FLRT2: variants seen among roughly 807,000 people sequenced by gnomAD.
FLRT2 encodes the protein fibronectin leucine rich transmembrane protein 2.
Under a neutral mutation model 40.0 loss-of-function variants are expected in FLRT2, and 15 were observed. The observed-to-expected ratio is 0.38, with a 90% CI of 0.25 to 0.58. The LOEUF (loss-of-function observed/expected upper bound fraction) is 0.58. Ranked by LOEUF, FLRT2 falls within the 20% of genes least tolerant of loss-of-function variation. The pLI, the probability that FLRT2 is intolerant of heterozygous loss-of-function variation, is 0.71. For missense variants in FLRT2, 726 were observed against 840.0 expected (o/e 0.86, Z 1.68); for synonymous variants, 380 against 336.8 (o/e 1.13, Z -1.41).
At position 85,622,816 on chromosome 14, in the gene FLRT2, T is replaced by C; in HGVS notation, c.1302T>C (p.Asp434=). The change falls in exon 2 of 2, where the codon GAT becomes GAC. Residue 434 remains aspartate (D), a synonymous_variant. Coordinates refer to ENST00000330753, the MANE Select transcript of FLRT2 (RefSeq NM_013231.6). Reference sequence around the variant, plus strand: ...AGCTCTCTATCCATTTTGTGAATGATACTTCCATTCAAGTCAGCTGGCTCT... The same window carrying C: ...AGCTCTCTATCCATTTTGTGAATGACACTTCCATTCAAGTCAGCTGGCTCT... ...RIQLSIHFVN[D]TSIQVSWLSL... The C allele has an allele frequency of 6.2e-7, 1 of 1,614,196 alleles. No individual in the cohort carries two copies. The highest frequency in any genetic ancestry group is 8.5e-7 in the Non-Finnish European group (1 of 1,180,026).
intron 1 of FLRT2, among the ~76,000 whole-genome samples, chr14:85,531,944 G>A (rs562501055): frequency 2.6e-5 from 4 of 152,338 alleles, no homozygotes; most frequent in Admixed American, 2.6e-4. Flanking sequence ...ATCCTTGCGT[G>A]GCTTGGGAGG....
chr14:85,623,171 T>C lies in FLRT2; in HGVS notation c.1657T>C (p.Phe553Leu), dbSNP rs1180374964. 3 of 1,572,918 alleles carry C rather than the reference T, an allele frequency of 1.9e-6. No individual in the cohort carries two copies. The highest frequency in any genetic ancestry group is 1.2e-5 in the South Asian group (1 of 83,758). The change falls in exon 2 of 2, where the codon TTT (phenylalanine) becomes CTT (leucine). Residue 553 changes from phenylalanine (F) to leucine (L), a missense_variant. This residue lies in a region of FLRT2 where 611 missense variants were observed against 690.0 expected (regional missense o/e 0.89). Coordinates refer to ENST00000330753, the MANE Select transcript of FLRT2 (RefSeq NM_013231.6). ...GGGCTTGATCGGGGGCGCGGTGATA[T>C]TTGTGCTGGTGGTCTTGCTCAGCGT... ...LAGLIGGAVIFVLVVLLSVFC... is the reference protein window; with the variant it reads ...LAGLIGGAVILVLVVLLSVFC...
intron 1 of FLRT2, among the ~76,000 whole-genome samples, chr14:85,584,532 T>A (rs1045412843): frequency 2.6e-5 from 4 of 152,166 alleles, no homozygotes; most frequent in African/African-American, 4.8e-5. Flanking sequence ...TTCTTTCTCC[T>A]CTTGGTGTCT....
chr14:85,592,764 GGGTGACA>G (rs1445812191), intron 1 of FLRT2, among the ~76,000 whole-genome samples: 3 of 143,460 alleles, frequency 2.1e-5, no homozygotes, highest in Non-Finnish European at 3.0e-5. Context: ...ACTCCAGCCT[GGGTGACA>G]GGAGCGAAAC....
At chr14:85,619,727 C>T (rs975013352) in intron 1 of FLRT2, among the ~76,000 whole-genome samples, 5 of 152,066 alleles carry the variant, frequency 3.3e-5, no homozygotes, top group Non-Finnish European at 5.9e-5. Flanking sequence ...ACTTGCAGTT[C>T]GCCATGTCCT....
At position 85,643,338 on chromosome 14, in the gene FLRT2, T is replaced by TTCCTTCCTTC. The variant is rs760752166; in HGVS notation, c.*19841_*19842insTCCTTCCTTC. 13 of 104,368 alleles carry TTCCTTCCTTC rather than the reference T, an allele frequency of 1.2e-4. No individual in the cohort carries two copies. The highest frequency in any genetic ancestry group is 4.2e-4 in the African/African-American group (11 of 26,052). The allele number at this position is 104,368 out of a possible 1,614,324, so 6.5% of individuals were successfully genotyped here. On this transcript the variant is annotated 3_prime_UTR_variant, in exon 2 of 2. Coordinates refer to ENST00000330753, the MANE Select transcript of FLRT2 (RefSeq NM_013231.6). Reference sequence around the variant, plus strand: ...TTCTTTCTTTCTTTCTTTCTTTCTTTCTTTCTTTCTTTCTTTCTTCCTTCC... The same window carrying TTCCTTCCTTC: ...TTCTTTCTTTCTTTCTTTCTTTCTTTTCCTTCCTTCCTTTCTTTCTTTCTTTCTTCCTTCC...
In FLRT2 at chr14:85,630,805, T is replaced by C. The variant is rs1595106506; in HGVS notation, c.*7308T>C. 6.6e-6 allele frequency: 1 copy of C among 152,248 alleles called. No individual in the cohort carries two copies. Among genetic ancestry groups the C allele is most frequent in the South Asian group, 2.1e-4 (1 of 4,822 alleles). The allele number at this position is 152,248 out of a possible 1,614,324, so 9.4% of individuals were successfully genotyped here. A position where few individuals can be genotyped will look rare whatever the true frequency, so the allele number is the denominator to read the frequency against. ...TCCAGCACCAGAGTGGCCTCTCAAA[T>C]GTGTTTTCTCCTCTTGGTTCCCTGA... On this transcript the variant is annotated 3_prime_UTR_variant, in exon 2 of 2. Coordinates refer to ENST00000330753, the MANE Select transcript of FLRT2 (RefSeq NM_013231.6).
chr14:85,584,699 C>A (rs1891540784), intron 1 of FLRT2, among the ~76,000 whole-genome samples: 1 of 152,130 alleles, frequency 6.6e-6, no homozygotes, highest in African/African-American at 2.4e-5. Flanking sequence ...GATGCAGAAC[C>A]CTGACACAGG....
At position 85,630,409 on chromosome 14, in the gene FLRT2, A is replaced by C. The variant is rs927228113; in HGVS notation, c.*6912A>C. The stretch of plus-strand genomic sequence containing the variant: ...CTCAGTATTGGGTCACTCTTTTCCT[A>C]ATATAAAAAACTATGCTGGCTCAAA... On this transcript the variant is annotated 3_prime_UTR_variant, in exon 2 of 2. Transcript: ENST00000330753. The C allele has an allele frequency of 4.7e-5, 7 of 148,704 alleles. No individual in the cohort carries two copies. Among genetic ancestry groups the C allele is most frequent in the African/African-American group, 1.7e-4 (7 of 40,134 alleles). The allele number at this position is 148,704 out of a possible 1,614,324, so 9.2% of individuals were successfully genotyped here.
At chr14:85,609,679 C>T (rs900251892) in intron 1 of FLRT2, among the ~76,000 whole-genome samples, 1 of 152,158 alleles carries the variant, frequency 6.6e-6, no homozygotes, top group Admixed American at 6.5e-5. Context: ...GAGTGGGCAC[C>T]TGCACGCCTT....
chr14:85,617,843 G>A (rs1409704379), intron 1 of FLRT2, among the ~76,000 whole-genome samples: 2 of 152,138 alleles, frequency 1.3e-5, no homozygotes, highest in African/African-American at 4.8e-5. Flanking sequence ...TGTCATAGCC[G>A]ATCAACACAT....
rs1416272548 is a variant in FLRT2 at position 85,643,423 on chromosome 14, C to G, written c.*19926C>G. On this transcript the variant is annotated 3_prime_UTR_variant, in exon 2 of 2. Transcript: ENST00000330753. ...TTTTTTTTGTTTTGAGACAGGTTCT[C>G]TCTCTGTCACCCAGGCAGGAATGCA... 1 of 148,770 alleles carries G rather than the reference C, an allele frequency of 6.7e-6. No homozygotes were observed. Among genetic ancestry groups the G allele is most frequent in the East Asian group, 2.0e-4 (1 of 5,010 alleles). 9.2% of individuals were successfully genotyped at this position (148,770 alleles called of 1,614,324 possible).
At chr14:85,612,061 CAAAAAAAAAAAAA>C (rs11298272) in intron 1 of FLRT2, among the ~76,000 whole-genome samples, 8 of 62,294 alleles carry the variant, frequency 1.3e-4, no homozygotes, top group South Asian at 1.7e-3. Context: ...ACTTACTTTT[CAAAAAAAAAAAAA>C]AAAAAAAAAA....
At position 85,622,091 on chromosome 14, in the gene FLRT2, G is replaced by A; in HGVS notation, c.577G>A (p.Ala193Thr). 6.2e-7 allele frequency: 1 copy of A among 1,614,116 alleles called. No individual in the cohort carries two copies. Among genetic ancestry groups the A allele is most frequent in the Non-Finnish European group, 8.5e-7 (1 of 1,180,028 alleles). Residue 193 changes from alanine to threonine, a missense_variant, in exon 2 of 2, where the codon GCT becomes ACT. Physicochemically the swap from Ala to Thr is moderately conservative, Grantham distance 58. Transcript: ENST00000330753. ...GCTGAGAGTGGATGAAAATCGAATT[G>A]CTGTCATATCCGACATGGCCTTCCA... is the stretch of plus-strand genomic sequence containing the variant. ...QELRVDENRI[A>T]VISDMAFQNL...
In FLRT2 at chr14:85,645,272, G is replaced by A. The variant is rs1461877463; in HGVS notation, c.*21775G>A. The A allele has an allele frequency of 7.8e-6, 1 of 128,720 alleles. No homozygotes were observed. Among genetic ancestry groups the A allele is most frequent in the Non-Finnish European group, 1.6e-5 (1 of 60,844 alleles). 8.0% of individuals were successfully genotyped at this position (128,720 alleles called of 1,614,324 possible). On this transcript the variant is annotated 3_prime_UTR_variant, in exon 2 of 2. Coordinates refer to ENST00000330753, the MANE Select transcript of FLRT2 (RefSeq NM_013231.6). The stretch of plus-strand genomic sequence containing the variant: ...TACATGTGTATATATGTATACATGT[G>A]TATATATGTATATACATATATGTAT...
intron 1 of FLRT2, among the ~76,000 whole-genome samples, chr14:85,596,116 C>A (rs562654445): frequency 2.6e-5 from 4 of 152,242 alleles, no homozygotes; most frequent in African/African-American, 9.6e-5. Context: ...AATAGTGATG[C>A]CCAAAAAACA....
chr14:85,651,493 T>C lies in FLRT2; in HGVS notation c.*27996T>C, dbSNP rs931766849. On this transcript the variant is annotated 3_prime_UTR_variant, in exon 2 of 2. Transcript: ENST00000330753. ...AATGGGTTAAATGTATGTGCCTGTG[T>C]CCATTTATTTCAATAATATCTTATA... 6.6e-6 allele frequency: 1 copy of C among 152,108 alleles called. No homozygotes were observed. The allele number at this position is 152,108 out of a possible 1,614,324, so 9.4% of individuals were successfully genotyped here. A position where few individuals can be genotyped will look rare whatever the true frequency, so the allele number is the denominator to read the frequency against.
rs1894470413 is a variant in FLRT2, at chr14:85,652,958, A to T, written c.*29461A>T. On this transcript the variant is annotated 3_prime_UTR_variant, in exon 2 of 2. Transcript: ENST00000330753. ...ATTTGTTCGGCTTGGGGAATGTCAT[A>T]GTTCATTCTGTGAGTGGAAGTTGCC... 6.6e-6 allele frequency: 1 copy of T among 152,164 alleles called. No homozygotes were observed. Among genetic ancestry groups the T allele is most frequent in the African/African-American group, 2.4e-5 (1 of 41,454 alleles). 9.4% of individuals were successfully genotyped at this position (152,164 alleles called of 1,614,324 possible).
chr14:85,550,222 C>T (rs1014129892), intron 1 of FLRT2, among the ~76,000 whole-genome samples: 6 of 152,108 alleles, frequency 3.9e-5, no homozygotes, highest in Non-Finnish European at 7.4e-5. Flanking sequence ...TCACTATAAA[C>T]GAGAAAATAG....
Sources: allele counts gnomAD v4.1 joint callset (sites outside exome capture counted in the v4.1 genomes callset), GRCh38; gene constraint gnomAD v4.1.1; regional missense constraint gnomAD v4.1.1; transcripts MANE v1.5; gene names NCBI Gene and HGNC (gene_info 2026-07-23, HGNC 2026-07-21).